The following GNAO1 variants were observed in gnomAD, a reference collection of about 807,000 sequenced individuals.
GNAO1 encodes the protein G protein subunit alpha o1, also known as guanine nucleotide-binding protein G(o) subunit alpha.
For missense variants in GNAO1, 166 were observed against 478.7 expected, an observed-to-expected ratio of 0.35 and a Z score of 6.10; for synonymous variants, 164 against 180.7, an observed-to-expected ratio of 0.91 and a Z score of 0.74.
intron 3 of GNAO1, among the ~76,000 whole-genome samples, chr16:56,320,962 A>T (rs1390098569): frequency 2.6e-5 from 4 of 152,222 alleles, no homozygotes; most frequent in Non-Finnish European, 1.5e-5. Context: ...GTATGTGGCC[A>T]GTGCTCACAA....
At chr16:56,303,770 G>A (rs2037366674) in intron 3 of GNAO1, among the ~76,000 whole-genome samples, 1 of 152,078 alleles carries the variant, frequency 6.6e-6, no homozygotes, top group Non-Finnish European at 1.5e-5. Flanking sequence ...TTTCATTCAT[G>A]GCACTGAATC....
At chr16:56,220,230 C>T (rs970485665) in intron 2 of GNAO1, among the ~76,000 whole-genome samples, 33 of 152,210 alleles carry the variant, frequency 2.2e-4, no homozygotes, top group African/African-American at 7.9e-4. Context: ...ATCATACCTA[C>T]CTGCTTACAA....
chr16:56,206,136 C>T (rs771830975), intron 2 of GNAO1, among the ~76,000 whole-genome samples: 10 of 151,886 alleles, frequency 6.6e-5, no homozygotes, highest in South Asian at 2.1e-4. Context: ...CTGGATAACA[C>T]GGTGAAACCT....
intron 3 of GNAO1, among the ~76,000 whole-genome samples, chr16:56,279,318 T>A (rs1408040462): frequency 6.6e-6 from 1 of 152,128 alleles, no homozygotes. Context: ...CTCTCTGGTG[T>A]GGAGTCACTT....
chr16:56,279,367 G>A (rs2037093599), intron 3 of GNAO1, among the ~76,000 whole-genome samples: 1 of 152,172 alleles, frequency 6.6e-6, no homozygotes, highest in Non-Finnish European at 1.5e-5. Context: ...ACCTGAAAGA[G>A]CCTCCGTGCA....
At chr16:56,314,570 C>A (rs1368878469) in intron 3 of GNAO1, among the ~76,000 whole-genome samples, 1 of 152,178 alleles carries the variant, frequency 6.6e-6, no homozygotes, top group South Asian at 2.1e-4. Context: ...CAACGACATT[C>A]TTCAGTCCAG....
intron 4 of GNAO1, among the ~76,000 whole-genome samples, chr16:56,333,490 G>C (rs760557112): frequency 6.6e-5 from 10 of 152,204 alleles, no homozygotes; most frequent in South Asian, 2.1e-4. Flanking sequence ...GATTACAGGC[G>C]TGAGCCACCG....
intron 3 of GNAO1, among the ~76,000 whole-genome samples, chr16:56,310,377 G>T (rs1240507639): frequency 6.6e-6 from 1 of 152,158 alleles, no homozygotes; most frequent in African/African-American, 2.4e-5. Context: ...ACAAACAGCA[G>T]AAATTTAATG....
At position 56,357,137 on chromosome 16, in the gene GNAO1, A is replaced by C. The variant is rs1357934406; in HGVS notation, c.*1063A>C. 1 of 152,504 alleles carries C rather than the reference A, an allele frequency of 6.6e-6. No homozygotes were observed. Among genetic ancestry groups the C allele is most frequent in the East Asian group, 1.9e-4 (1 of 5,198 alleles). The allele number at this position is 152,504 out of a possible 1,614,324, so 9.4% of individuals were successfully genotyped here. ...CCGTTTTCATGACCAATCCTATGTC[A>C]TTTCTACTTTGACTAATACCCAAAC... On this transcript the variant is annotated 3_prime_UTR_variant, in exon 9 of 9. Transcript: ENST00000262493.
intron 2 of GNAO1, among the ~76,000 whole-genome samples, chr16:56,233,963 C>T (rs767039067): frequency 6.6e-6 from 1 of 152,202 alleles, no homozygotes; most frequent in South Asian, 2.1e-4. Context: ...TGTGCTGACC[C>T]GGCTCTGCTG....
intron 2 of GNAO1, among the ~76,000 whole-genome samples, chr16:56,268,331 A>C (rs12920828): frequency 0.19 from 29,244 of 152,100 alleles, 3,039 homozygotes; most frequent in East Asian, 0.38. Flanking sequence ...GTTAATTTTC[A>C]TTTCTTGGCA....
intron 2 of GNAO1, among the ~76,000 whole-genome samples, chr16:56,260,103 A>G (rs1342297711): frequency 9.2e-5 from 14 of 152,178 alleles, no homozygotes; most frequent in African/African-American, 2.2e-4. Flanking sequence ...AGCTGATGTC[A>G]GGAGGCAGGG....
chr16:56,330,040 G>T (rs1367858443), intron 4 of GNAO1, among the ~76,000 whole-genome samples: 1 of 152,228 alleles, frequency 6.6e-6, no homozygotes, highest in Non-Finnish European at 1.5e-5. Flanking sequence ...ATTTCCACGG[G>T]CCACATGGCA....
chr16:56,338,632 C>G (rs2037766711), intron 6 of GNAO1, among the ~76,000 whole-genome samples: 1 of 152,256 alleles, frequency 6.6e-6, no homozygotes, highest in Non-Finnish European at 1.5e-5. Context: ...TGGAATCCAG[C>G]CTCTCCCTGG....
intron 3 of GNAO1, among the ~76,000 whole-genome samples, chr16:56,306,209 T>C (rs1245626626): frequency 6.6e-6 from 1 of 152,214 alleles, no homozygotes; most frequent in African/African-American, 2.4e-5. Context: ...CAGCCTTTCT[T>C]ACCGAAGGTC....
In GNAO1 at chr16:56,351,731, T is replaced by A. The variant is rs1382830322; in HGVS notation, c.877+194T>A. Among the ~76,000 whole-genome samples, 7 of 152,160 alleles carry A rather than the reference T, an allele frequency of 4.6e-5. No homozygotes were observed. The highest frequency in any genetic ancestry group is 7.2e-5 in the African/African-American group (3 of 41,442). ...GCTTCCCAGGACACAGCCCTCAGCG[T>A]GGTGGAAATGGCCCCTCCTAAGATA... On this transcript the variant is annotated intron_variant, in intron 7 of 8. Transcript: ENST00000262493. The surrounding 1 kb of genome is among the most constrained non-coding windows in gnomAD (Gnocchi z 6.1).
chr16:56,274,027 A>G (rs1465397877), intron 2 of GNAO1, among the ~76,000 whole-genome samples: 1 of 152,160 alleles, frequency 6.6e-6, no homozygotes, highest in African/African-American at 2.4e-5. Flanking sequence ...CTCTCTTCGC[A>G]GTTTTCTCCC....
rs534417941 is a variant in GNAO1 at position 56,333,224 on chromosome 16, T to C, written c.465-1505T>C. 2.4e-3 allele frequency among the ~76,000 whole-genome samples: 363 copies of C among 150,886 alleles called. 3 individuals carry two copies. Among genetic ancestry groups the C allele is most frequent in the African/African-American group, 8.4e-3 (347 of 41,116 alleles). On this transcript the variant is annotated intron_variant, in intron 4 of 8. Coordinates refer to ENST00000262493, the MANE Select transcript of GNAO1 (RefSeq NM_020988.3). ...TTTCTTTTTTTCTTTTTTTTTTTTT[T>C]CTCCCCGAGACAGAGTCTTGCTCTG...
chr16:56,224,870 A>G (rs1567444910), intron 2 of GNAO1, among the ~76,000 whole-genome samples: 1 of 152,210 alleles, frequency 6.6e-6, no homozygotes, highest in Admixed American at 6.5e-5. Context: ...CTGGACACTT[A>G]TAAGGTCTCA....
Sources: gnomAD v4.1 joint callset for allele counts (sites outside exome capture counted in the v4.1 genomes callset) on GRCh38, gnomAD v4.1.1 for gene constraint, Gnocchi (gnomAD v3.1) non-coding constraint, MANE v1.5 for transcripts, NCBI Gene and HGNC (gene_info 2026-07-23, HGNC 2026-07-21) for gene names.